The following DDHD2 variants were observed in gnomAD, a reference collection of about 807,000 sequenced individuals.
DDHD2 encodes DDHD domain containing 2, also known as triacylglycerol hydrolase DDHD2.
Under a neutral mutation model 91.2 loss-of-function variants are expected in DDHD2, and 62 were observed. The observed-to-expected ratio is 0.68, with a 90% CI of 0.55 to 0.84. DDHD2 has a LOEUF of 0.84. Ranked by LOEUF, DDHD2 falls within the 40% of genes least tolerant of loss-of-function variation. The pLI is 0.00. For missense variants in DDHD2, 740 were observed against 846.9 expected, an observed-to-expected ratio of 0.87 and a Z score of 1.57; for synonymous variants, 271 against 293.9, an observed-to-expected ratio of 0.92 and a Z score of 0.80.
chr8:38,236,366 T>C (rs1563298416), intron 3 of DDHD2, among the ~76,000 whole-genome samples: 1 of 150,318 alleles, frequency 6.7e-6, no homozygotes, highest in South Asian at 2.1e-4. Context: ...TTTTTGTTTT[T>C]GTTTTTGAGA....
chr8:38,267,631 C>G (rs985078259), downstream of DDHD2: 38 of 619,616 alleles, frequency 6.1e-5, no homozygotes, highest in East Asian at 1.0e-3. Context: ...GCAAATGACA[C>G]TGCAGCTTCA....
chr8:38,255,323 CAA>C, intron 16 of DDHD2: 1 of 509,408 alleles, frequency 2.0e-6, no homozygotes, highest in East Asian at 5.6e-5. Context: ...AGGCCAAAAG[CAA>C]TCTTGTAAGG....
intron 9 of DDHD2, chr8:38,247,061 C>CCATG (rs1805689509): frequency 6.6e-6 from 1 of 152,008 alleles, no homozygotes. Flanking sequence ...TCCTGTTGGA[C>CCATG]CATGAGTTCC....
intron 12 of DDHD2, 52 bp downstream of exon 12, chr8:38,252,080 C>T: frequency 6.2e-7 from 1 of 1,612,584 alleles, no homozygotes; most frequent in Non-Finnish European, 8.5e-7. Context: ...ATGGTAGAAA[C>T]AGATGTAACT....
chr8:38,263,230 A>G (rs1807173702), downstream of DDHD2: 2 of 189,552 alleles, frequency 1.1e-5, no homozygotes, highest in Non-Finnish European at 2.0e-5. Context: ...AATCACAATA[A>G]AGAGAAAGGG....
intron 5 of DDHD2, 46 bp downstream of exon 5, chr8:38,238,255 T>C (rs752561162): frequency 1.9e-6 from 3 of 1,610,122 alleles, no homozygotes; most frequent in Non-Finnish European, 2.5e-6. Flanking sequence ...TGTATTTGTT[T>C]ACTCCTTAAA....
chr8:38,248,685 G>A (rs1014502633), intron 10 of DDHD2, among the ~76,000 whole-genome samples: 4 of 151,816 alleles, frequency 2.6e-5, no homozygotes, highest in Admixed American at 2.6e-4. Context: ...GGTGGCTCAT[G>A]CCTGTAATCC....
intron 5 of DDHD2, 178 bp downstream of exon 5, chr8:38,238,387 A>C: frequency 8.7e-6 from 12 of 1,383,270 alleles, no homozygotes; most frequent in Non-Finnish European, 1.1e-5. Flanking sequence ...ATAGATGTAA[A>C]AATATCTTTT....
downstream of DDHD2, chr8:38,264,297 A>C (rs747173948): frequency 7.9e-5 from 60 of 757,700 alleles, no homozygotes; most frequent in Middle Eastern, 1.7e-3. Context: ...ACGGCACACA[A>C]CTCCTGGCTA....
At chr8:38,246,108 G>T in intron 8 of DDHD2, 125 bp from the exon 9 acceptor site, 1 of 1,101,508 alleles carries the variant, frequency 9.1e-7, no homozygotes, top group South Asian at 1.3e-5. Flanking sequence ...CGGTAAATTG[G>T]AAAGAAAGAC....
intron 5 of DDHD2, chr8:38,238,463 C>G: frequency 8.4e-7 from 1 of 1,192,052 alleles, no homozygotes; most frequent in Non-Finnish European, 1.0e-6. Flanking sequence ...TACAGATGAA[C>G]TGATTTAGTC....
At chr8:38,256,688 AC>A (rs1806537169) in intron 16 of DDHD2, among the ~76,000 whole-genome samples, 1 of 152,022 alleles carries the variant, frequency 6.6e-6, no homozygotes, top group African/African-American at 2.4e-5. Flanking sequence ...TTGTCCATTT[AC>A]CTGTTGATGG....
chr8:38,247,701 T>G lies in DDHD2; in HGVS notation c.1126-12T>G. The G allele has an allele frequency of 6.8e-7, 1 of 1,473,188 alleles. No individual in the cohort carries two copies. The highest frequency in any genetic ancestry group is 9.1e-7 in the Non-Finnish European group (1 of 1,098,848). The allele number at this position is 1,473,188 out of a possible 1,614,324, so 91.3% of individuals were successfully genotyped here. A position where few individuals can be genotyped will look rare whatever the true frequency, so the allele number is the denominator to read the frequency against. On this transcript the variant is annotated splice_polypyrimidine_tract_variant and intron_variant, in intron 9 of 17. Coordinates refer to ENST00000397166, the MANE Select transcript of DDHD2 (RefSeq NM_015214.3). ...AATTTCAAGAATATGAGCTTTATAA[T>G]TTAATTTTTAGGATTCGCTAAATAT...
At chr8:38,268,907 T>A in intron 1 of DDHD2, 1 of 1,557,682 alleles carries the variant, frequency 6.4e-7, no homozygotes, top group Non-Finnish European at 8.6e-7. Flanking sequence ...GGGGAAATAC[T>A]CCGCCTCCAC....
intron 9 of DDHD2, 158 bp from the exon 10 acceptor site, chr8:38,247,555 A>G (rs1277897536): frequency 6.9e-6 from 3 of 434,890 alleles, no homozygotes; most frequent in Non-Finnish European, 4.0e-6. Context: ...TTGAAGTTGC[A>G]AAACCTTGGA....
At position 38,248,962 on chromosome 8, in the gene DDHD2, A is replaced by AG. The variant is rs1554514775; in HGVS notation, c.1249-746_1249-745insG. On this transcript the variant is annotated intron_variant, in intron 10 of 17. Coordinates refer to ENST00000397166, the MANE Select transcript of DDHD2 (RefSeq NM_015214.3). The stretch of plus-strand genomic sequence containing the variant: ...TCCATCTCAAAAAAAAAAAAAAAAA[A>AG]CGATGAGTGACACTTGAGATCTTGA... Among the ~76,000 whole-genome samples the AG allele has an allele frequency of 3.0e-3, 452 of 150,794 alleles. 4 individuals are homozygous for AG. Among genetic ancestry groups the AG allele is most frequent in the Non-Finnish European group, 4.8e-3 (327 of 67,672 alleles).
At chr8:38,266,439 C>T (rs926415052), downstream of DDHD2, 11 of 947,232 alleles carry the variant, frequency 1.2e-5, no homozygotes, top group East Asian at 8.1e-5. Context: ...CTTGCTCTGT[C>T]GCCCAGGCTG....
At chr8:38,268,698 G>T (rs1023748420) in intron 1 of DDHD2, 1 of 1,431,786 alleles carries the variant, frequency 7.0e-7, no homozygotes, top group African/African-American at 1.4e-5. Flanking sequence ...GCCCAAAGAG[G>T]CTCGGACACC....
chr8:38,234,629 T>A (rs1804562145), intron 3 of DDHD2, 45 bp downstream of exon 3: 2 of 1,445,648 alleles, frequency 1.4e-6, no homozygotes, highest in Admixed American at 2.4e-5. Context: ...TTTCTCTTAT[T>A]TAATAATCTT....
Sources: allele counts gnomAD v4.1 joint callset (sites outside exome capture counted in the v4.1 genomes callset), GRCh38; gene constraint gnomAD v4.1.1; transcripts MANE v1.5; gene names NCBI Gene and HGNC (gene_info 2026-07-23, HGNC 2026-07-21).